Variants in TG observed in about 807,000 individuals in gnomAD.
TG encodes the protein thyroid hormones.
A neutral mutation model predicts 324.7 loss-of-function variants in TG; 270 were observed. The observed-to-expected ratio is 0.83, with a 90% CI of 0.75 to 0.92. TG has a LOEUF of 0.92. Among genes scored for constraint, TG ranks in the 40% least tolerant of loss-of-function variants. TG has a pLI of 0.00. For missense variants in TG, 3,591 were observed against 3,456.4 expected (o/e 1.04, Z -0.98); for synonymous variants, 1,401 against 1,327.0 (o/e 1.06, Z -1.21).
chr8:133,130,607 A>G (rs1388922110), intron 45 of TG, among the ~76,000 whole-genome samples: 1 of 152,168 alleles, frequency 6.6e-6, no homozygotes, highest in Non-Finnish European at 1.5e-5. Context: ...AAGGAACGGA[A>G]TCCTTTCACA....
Position 133,030,019 on chromosome 8 carries a change from T to A in TG, c.7235T>A (p.Leu2412Gln). 6.2e-7 allele frequency: 1 copy of A among 1,614,236 alleles called. No homozygotes were observed. The highest frequency in any genetic ancestry group is 8.5e-7 in the Non-Finnish European group (1 of 1,180,038). Residue 2412 changes from leucine (L) to glutamine (Q), a missense_variant, in exon 41 of 48, where the codon CTG becomes CAG. Transcript: ENST00000220616. ...TCCCAACTTTTCCGGAGAGCTGTGC[T>A]GATGGTAAGTGGTGTGTGTTCTACC... ...TNSQLFRRAV[L>Q]MGGSALSPAA...
chr8:133,094,263 T>TTTTC (rs1848066170), intron 41 of TG, among the ~76,000 whole-genome samples: 2 of 144,044 alleles, frequency 1.4e-5, no homozygotes, highest in Non-Finnish European at 3.0e-5. Flanking sequence ...TTTTTTTTGA[T>TTTTC]GGAGTCTTGC....
chr8:133,106,995 G>A (rs539320785), intron 43 of TG, among the ~76,000 whole-genome samples: 108 of 152,304 alleles, frequency 7.1e-4, no homozygotes, highest in African/African-American at 2.5e-3. Flanking sequence ...GAACTAAAGG[G>A]CATTTCTCAC....
At chr8:132,996,243 G>A (rs1032265033) in intron 35 of TG, among the ~76,000 whole-genome samples, 5 of 152,218 alleles carry the variant, frequency 3.3e-5, no homozygotes, top group African/African-American at 7.2e-5. Context: ...AACACACCAC[G>A]TAGAGGTGAG....
At position 132,887,693 on chromosome 8, in the gene TG, T is replaced by C. The variant is rs962353482; in HGVS notation, c.2176+145T>C. On this transcript the variant is annotated intron_variant, in intron 9 of 47. Coordinates refer to ENST00000220616, the MANE Select transcript of TG (RefSeq NM_003235.5). The stretch of plus-strand genomic sequence containing the variant: ...AATTGACTGCTTATATTAAAAATTA[T>C]CCAGGAATGCCTAGATAATGTTAAT... 4 of 1,158,266 alleles carry C rather than the reference T, an allele frequency of 3.5e-6. No homozygotes were observed. The African/African-American group carries it at 6.1e-5, about 18-fold the overall frequency. The allele number at this position is 1,158,266 out of a possible 1,614,324, so 71.7% of individuals were successfully genotyped here.
chr8:133,029,170 C>G (rs1836384910), intron 40 of TG, among the ~76,000 whole-genome samples: 1 of 151,610 alleles, frequency 6.6e-6, no homozygotes, highest in Non-Finnish European at 1.5e-5. Context: ...TGTAGTGTCT[C>G]AAAAACCTAA....
At chr8:132,995,600 T>A in intron 35 of TG, 1 of 868,222 alleles carries the variant, frequency 1.2e-6, no homozygotes, top group Non-Finnish European at 1.4e-6. Context: ...TGTGACCCCA[T>A]GAAAGAGGAG....
intron 41 of TG, among the ~76,000 whole-genome samples, chr8:133,060,847 A>C (rs915846949): frequency 2.6e-5 from 4 of 152,204 alleles, no homozygotes; most frequent in Admixed American, 1.3e-4. Context: ...AGAAGGGGTA[A>C]GTGACTTGTA....
intron 5 of TG, among the ~76,000 whole-genome samples, chr8:132,879,814 G>C (rs970459902): frequency 6.6e-6 from 1 of 152,192 alleles, no homozygotes; most frequent in Non-Finnish European, 1.5e-5. Flanking sequence ...CAGTTTATAA[G>C]ACCAGAAACC....
chr8:132,923,228 G>C (rs1382746150), intron 21 of TG, 110 bp from the exon 22 acceptor site: 2 of 1,206,986 alleles, frequency 1.7e-6, no homozygotes, highest in African/African-American at 3.0e-5. Flanking sequence ...TGGAATGTCT[G>C]AGTTAGATGT....
intron 41 of TG, among the ~76,000 whole-genome samples, chr8:133,075,832 A>C (rs1844780352): frequency 6.6e-6 from 1 of 152,078 alleles, no homozygotes; most frequent in Non-Finnish European, 1.5e-5. Flanking sequence ...AACGGGACAA[A>C]ATGTTAATAC....
intron 41 of TG, among the ~76,000 whole-genome samples, chr8:133,041,657 C>T (rs1056837813): frequency 1.4e-4 from 22 of 152,224 alleles, no homozygotes; most frequent in African/African-American, 5.1e-4. Flanking sequence ...CAGGTTAATA[C>T]TCAGGGTGAA....
chr8:132,929,263 C>T lies in TG; in HGVS notation c.4816+71C>T, dbSNP rs994935748. 28 of 1,029,242 alleles carry T rather than the reference C, an allele frequency of 2.7e-5. No individual in the cohort carries two copies. The Middle Eastern group carries it at 6.1e-4, about 22-fold the overall frequency. 63.8% of individuals were successfully genotyped at this position (1,029,242 alleles called of 1,614,324 possible). A position where few individuals can be genotyped will look rare whatever the true frequency, so the allele number is the denominator to read the frequency against. The stretch of plus-strand genomic sequence containing the variant: ...TAAGCTCTGCTGAGAGTTGTCGAGA[C>T]AAACCAAATCAAACCATTAAAACTA... On this transcript the variant is annotated intron_variant, in intron 23 of 47. Coordinates refer to ENST00000220616, the MANE Select transcript of TG (RefSeq NM_003235.5).
At chr8:133,076,092 GA>G (rs1346652078) in intron 41 of TG, 1 of 152,200 alleles carries the variant, frequency 6.6e-6, no homozygotes, top group Non-Finnish European at 1.5e-5. Flanking sequence ...CTGGAATGCT[GA>G]CCCCAAGATT....
At chr8:133,028,564 G>A (rs947473533) in intron 40 of TG, among the ~76,000 whole-genome samples, 1 of 152,218 alleles carries the variant, frequency 6.6e-6, no homozygotes, top group Non-Finnish European at 1.5e-5. Context: ...GACAAGCACG[G>A]TTCTGTTCCC....
chr8:132,991,760 C>T (rs917675365), intron 35 of TG, among the ~76,000 whole-genome samples: 1 of 152,082 alleles, frequency 6.6e-6, no homozygotes, highest in African/African-American at 2.4e-5. Context: ...CCAGGATCCA[C>T]ATCTGCCAGG....
At chr8:133,064,923 T>A (rs1216088445) in intron 41 of TG, among the ~76,000 whole-genome samples, 1 of 152,040 alleles carries the variant, frequency 6.6e-6, no homozygotes, top group Non-Finnish European at 1.5e-5. Context: ...GGAGACAAAT[T>A]GAGGAAGTCC....
At chr8:133,073,466 G>A (rs1263777843) in intron 41 of TG, among the ~76,000 whole-genome samples, 1 of 152,030 alleles carries the variant, frequency 6.6e-6, no homozygotes, top group African/African-American at 2.4e-5. Context: ...GGGTTCAAGC[G>A]ATTATCCTGT....
At chr8:133,066,278 A>C (rs762571852) in intron 41 of TG, among the ~76,000 whole-genome samples, 2 of 143,188 alleles carry the variant, frequency 1.4e-5, no homozygotes, top group Non-Finnish European at 3.0e-5. Flanking sequence ...GTGAGCTGAG[A>C]TCTCGCCACT....
Sources: gnomAD v4.1 joint callset for allele counts (sites outside exome capture counted in the v4.1 genomes callset) on GRCh38, gnomAD v4.1.1 for gene constraint, MANE v1.5 for transcripts, NCBI Gene and HGNC (gene_info 2026-07-23, HGNC 2026-07-21) for gene names.